ACAA2: variants seen among roughly 807,000 people sequenced by gnomAD.
ACAA2 encodes 3-ketoacyl-CoA thiolase, mitochondrial.
A neutral mutation model predicts 44.8 loss-of-function variants in ACAA2; 35 were observed. The ratio of observed to expected loss-of-function variants is 0.78; its 90% CI spans 0.60 to 1.04. The LOEUF is 1.04. ACAA2 is among the 50% of genes least tolerant of loss of function. The pLI is 0.00. For synonymous variants in ACAA2, 142 were observed against 166.5 expected (o/e 0.85, Z 1.13); for missense variants, 468 against 482.6 (o/e 0.97, Z 0.28).
chr18:49,794,379 G>A lies in ACAA2; in HGVS notation c.478C>T (p.Pro160Ser). ...VSLTDQHVQL[P>S]MAMTAENLAV... ...AGATTCTCTGCAGTCATTGCCATGG[G>A]GAGCTGGACATGCTGATCTGTTAAT... is the stretch of plus-strand genomic sequence containing the variant. Residue 160 changes from proline to serine, a missense_variant, in exon 5 of 10, where the codon CCC (proline) becomes TCC (serine). Transcript: ENST00000285093. The A allele has an allele frequency of 1.2e-6, 2 of 1,610,538 alleles. No homozygotes were observed. Among genetic ancestry groups the A allele is most frequent in the Non-Finnish European group, 1.7e-6 (2 of 1,179,024 alleles).
At chr18:49,806,864 C>A (rs1226109883) in intron 1 of ACAA2, among the ~76,000 whole-genome samples, 8 of 150,798 alleles carry the variant, frequency 5.3e-5, no homozygotes, top group Non-Finnish European at 1.2e-4. Flanking sequence ...ATGGGCTTAA[C>A]AGCAAAATAG....
intron 2 of ACAA2, among the ~76,000 whole-genome samples, chr18:49,800,890 T>TAA (rs5824805): frequency 1.1e-3 from 132 of 121,090 alleles, no homozygotes; most frequent in South Asian, 2.7e-3. Context: ...GAATGATCAA[T>TAA]AAAAAAAAAA....
chr18:49,792,073 G>A, intron 6 of ACAA2, 79 bp downstream of exon 6: 1 of 1,195,338 alleles, frequency 8.4e-7, no homozygotes, highest in Non-Finnish European at 1.2e-6. Flanking sequence ...GGCATAAAAA[G>A]TATTTACAAG....
intron 3 of ACAA2, 96 bp from the exon 4 acceptor site, chr18:49,795,977 C>T (rs1034117837): frequency 9.2e-5 from 72 of 785,118 alleles, no homozygotes; most frequent in Non-Finnish European, 1.4e-4. Context: ...GTAAATCAAA[C>T]AAATATTGTA....
intron 9 of ACAA2, among the ~76,000 whole-genome samples, chr18:49,784,208 T>C (rs1224155968): frequency 6.6e-6 from 1 of 151,936 alleles, no homozygotes; most frequent in Non-Finnish European, 1.5e-5. Flanking sequence ...ATAGAGTAGA[T>C]TTAGGGTATA....
chr18:49,784,052 C>G (rs1731613948), intron 9 of ACAA2, 121 bp from the exon 10 acceptor site: 1 of 791,044 alleles, frequency 1.3e-6, no homozygotes, highest in African/African-American at 1.7e-5. Flanking sequence ...AATCTTTTCC[C>G]CAGTCCTCAA....
intron 1 of ACAA2, chr18:49,812,721 C>T (rs1367070243): frequency 6.6e-6 from 1 of 152,188 alleles, no homozygotes; most frequent in Non-Finnish European, 1.5e-5. Context: ...GAACAAAACC[C>T]CACCTTCTTA....
chr18:49,808,752 A>C (rs541448077), intron 1 of ACAA2, among the ~76,000 whole-genome samples: 1 of 152,272 alleles, frequency 6.6e-6, no homozygotes, highest in Non-Finnish European at 1.5e-5. Flanking sequence ...ATCACAAGGC[A>C]AAGGACAAAG....
chr18:49,812,939 T>C (rs1452505091), intron 1 of ACAA2: 1 of 152,950 alleles, frequency 6.5e-6, no homozygotes, highest in African/African-American at 2.4e-5. Flanking sequence ...CCCTAGAACT[T>C]AGGTATAGAG....
intron 9 of ACAA2, 116 bp downstream of exon 9, chr18:49,785,081 C>A (rs1394179579): frequency 2.6e-5 from 32 of 1,239,030 alleles, no homozygotes; most frequent in Admixed American, 5.1e-5. Context: ...CTGGTAACAG[C>A]CAGTGCAGGA....
chr18:49,798,957 C>T (rs2023496449), intron 2 of ACAA2, among the ~76,000 whole-genome samples: 1 of 151,900 alleles, frequency 6.6e-6, no homozygotes, highest in African/African-American at 2.4e-5. Flanking sequence ...GAATATGCTT[C>T]GAATAACATT....
intron 1 of ACAA2, among the ~76,000 whole-genome samples, chr18:49,810,955 T>C (rs2023662643): frequency 6.9e-6 from 1 of 145,738 alleles, no homozygotes; most frequent in Non-Finnish European, 1.5e-5. Context: ...GATGTGCAGA[T>C]AGACTATAAA....
intron 4 of ACAA2, among the ~76,000 whole-genome samples, chr18:49,795,417 T>C (rs2023453780): frequency 6.6e-6 from 1 of 152,204 alleles, no homozygotes; most frequent in Non-Finnish European, 1.5e-5. Context: ...CTCAGATTAC[T>C]AATTGTTTAG....
chr18:49,798,625 T>C (rs570041334), intron 2 of ACAA2, among the ~76,000 whole-genome samples: 204 of 152,306 alleles, frequency 1.3e-3, no homozygotes, highest in Middle Eastern at 6.8e-3. Flanking sequence ...CTTTTAACTT[T>C]TGTGTAGGTT....
chr18:49,796,003 T>A, intron 3 of ACAA2, 122 bp from the exon 4 acceptor site: 1 of 605,194 alleles, frequency 1.7e-6, no homozygotes, highest in Non-Finnish European at 2.9e-6. Context: ...GCTTACAGTG[T>A]CTCAAAAGGA....
chr18:49,784,658 TATTCCAAAAATA>T (rs1436671020), intron 9 of ACAA2, among the ~76,000 whole-genome samples: 1 of 152,088 alleles, frequency 6.6e-6, no homozygotes, highest in Non-Finnish European at 1.5e-5. Flanking sequence ...CAGAGCAAAA[TATTCCAAAAATA>T]GAAGAGCTCC....
chr18:49,800,022 C>T (rs1199964324), intron 2 of ACAA2, among the ~76,000 whole-genome samples: 3 of 151,638 alleles, frequency 2.0e-5, no homozygotes, highest in African/African-American at 7.3e-5. Flanking sequence ...CGCCTGGCAG[C>T]CACCCTGTCT....
chr18:49,796,982 AATACT>A (rs2023472065), intron 3 of ACAA2, among the ~76,000 whole-genome samples: 1 of 144,006 alleles, frequency 6.9e-6, no homozygotes, highest in African/African-American at 2.6e-5. Flanking sequence ...ATATATATAT[AATACT>A]TACCATTTTA....
At chr18:49,797,249 T>C (rs2023474912) in intron 3 of ACAA2, among the ~76,000 whole-genome samples, 1 of 150,932 alleles carries the variant, frequency 6.6e-6, no homozygotes, top group African/African-American at 2.4e-5. Context: ...TATTCCACTT[T>C]CAGGTTCATT....
Sources: gnomAD v4.1 joint callset for allele counts (sites outside exome capture counted in the v4.1 genomes callset) on GRCh38, gnomAD v4.1.1 for gene constraint, MANE v1.5 for transcripts, NCBI Gene and HGNC (gene_info 2026-07-23, HGNC 2026-07-21) for gene names.